Variants in SPOCK1 observed in about 807,000 individuals in gnomAD.
The protein encoded by SPOCK1 is SPARC (osteonectin), cwcv and kazal like domains proteoglycan 1, also known as testican-1.
Under a neutral mutation model 55.3 loss-of-function variants are expected in SPOCK1, and 23 were observed. The ratio of observed to expected loss-of-function variants is 0.42; its 90% CI spans 0.30 to 0.59. The LOEUF is 0.59. Ranked by LOEUF, SPOCK1 falls within the 20% of genes least tolerant of loss-of-function variation. The probability of loss-of-function intolerance (pLI) is 0.22; values close to 1 mark genes in which losing one functional copy is unlikely to be tolerated. For synonymous variants in SPOCK1, 226 were observed against 221.0 expected (o/e 1.02, Z -0.20); for missense variants, 499 against 552.5 (o/e 0.90, Z 0.97).
At chr5:137,322,059 G>A (rs1216028031) in intron 2 of SPOCK1, among the ~76,000 whole-genome samples, 3 of 152,050 alleles carry the variant, frequency 2.0e-5, no homozygotes, top group Non-Finnish European at 2.9e-5. Context: ...AAAAAACACT[G>A]GTCAGCAACA....
At chr5:136,990,588 TAACG>T (rs1750930783) in intron 7 of SPOCK1, among the ~76,000 whole-genome samples, 1 of 150,298 alleles carries the variant, frequency 6.7e-6, no homozygotes, top group Non-Finnish European at 1.5e-5. Context: ...CTACGGGACA[TAACG>T]TGGCCCCTTC....
intron 2 of SPOCK1, among the ~76,000 whole-genome samples, chr5:137,450,953 C>T (rs1753242928): frequency 6.6e-6 from 1 of 152,172 alleles, no homozygotes; most frequent in Non-Finnish European, 1.5e-5. Flanking sequence ...ATCTTCCCTG[C>T]CCACCCATGC....
intron 2 of SPOCK1, among the ~76,000 whole-genome samples, chr5:137,338,636 C>T (rs984005634): frequency 5.9e-5 from 9 of 151,660 alleles, no homozygotes; most frequent in African/African-American, 2.2e-4. Flanking sequence ...GTCCCACCAA[C>T]AGTGTAAAAG....
chr5:137,228,765 T>C (rs1755996741), intron 3 of SPOCK1, among the ~76,000 whole-genome samples: 1 of 152,180 alleles, frequency 6.6e-6, no homozygotes, highest in African/African-American at 2.4e-5. Context: ...TCCAAGAATA[T>C]TTTAAATATG....
At chr5:136,993,442 G>C (rs1219766173) in intron 6 of SPOCK1, among the ~76,000 whole-genome samples, 2 of 152,090 alleles carry the variant, frequency 1.3e-5, no homozygotes, top group Admixed American at 6.5e-5. Flanking sequence ...GCTAATTCTT[G>C]GTACTGAGAA....
intron 6 of SPOCK1, among the ~76,000 whole-genome samples, chr5:137,017,915 T>C (rs1751482113): frequency 6.6e-6 from 1 of 152,212 alleles, no homozygotes; most frequent in Admixed American, 6.5e-5. Context: ...CAGCCACAAT[T>C]ACATCCAAGC....
intron 2 of SPOCK1, among the ~76,000 whole-genome samples, chr5:137,369,111 C>T (rs1427632888): frequency 6.6e-6 from 1 of 152,150 alleles, no homozygotes; most frequent in Non-Finnish European, 1.5e-5. Flanking sequence ...TGAGTTGGAC[C>T]CATGTGGGAA....
chr5:137,222,619 A>G (rs564038057), intron 3 of SPOCK1, among the ~76,000 whole-genome samples: 7 of 152,230 alleles, frequency 4.6e-5, no homozygotes, highest in Non-Finnish European at 7.3e-5. Context: ...AGAAAAAAAG[A>G]CAATGAAATT....
At chr5:137,002,760 C>A (rs1018906186) in intron 6 of SPOCK1, among the ~76,000 whole-genome samples, 15 of 152,170 alleles carry the variant, frequency 9.9e-5, no homozygotes, top group Admixed American at 8.5e-4. Context: ...AAAACAGGCT[C>A]AACCTGGACT....
At position 137,200,854 on chromosome 5, in the gene SPOCK1, G is replaced by A. The variant is rs142102174; in HGVS notation, c.233-60160C>T. 1.1e-3 allele frequency among the ~76,000 whole-genome samples: 165 copies of A among 152,242 alleles called. No homozygotes were observed. In the Middle Eastern group the frequency reaches 0.017, roughly 16 times the overall value. The stretch of plus-strand genomic sequence containing the variant: ...TTTGAGTAGTTTAAAAACCTCCTGA[G>A]GTTGGAATTGGAACCCAGAGCCGAT... On this transcript the variant is annotated intron_variant, in intron 3 of 10. Coordinates refer to ENST00000394945, the MANE Select transcript of SPOCK1 (RefSeq NM_004598.4).
chr5:136,991,514 C>G (rs1750947176), intron 7 of SPOCK1, among the ~76,000 whole-genome samples: 1 of 152,098 alleles, frequency 6.6e-6, no homozygotes, highest in South Asian at 2.1e-4. Flanking sequence ...AGTTGCTACT[C>G]TAACTAACTT....
At chr5:137,068,560 C>G (rs1561597567) in intron 5 of SPOCK1, among the ~76,000 whole-genome samples, 1 of 152,166 alleles carries the variant, frequency 6.6e-6, no homozygotes, top group African/African-American at 2.4e-5. Context: ...ACTCTAAAGT[C>G]TCAATGAATT....
chr5:137,123,877 C>A (rs1213422949), intron 4 of SPOCK1, among the ~76,000 whole-genome samples: 1 of 152,066 alleles, frequency 6.6e-6, no homozygotes, highest in Non-Finnish European at 1.5e-5. Flanking sequence ...GATAGATCCA[C>A]AAAAATGGAA....
At chr5:137,356,826 T>TAGAGAG (rs1750819003) in intron 2 of SPOCK1, among the ~76,000 whole-genome samples, 2 of 19,350 alleles carry the variant, frequency 1.0e-4, no homozygotes, top group South Asian at 2.7e-3. Flanking sequence ...TATATATATA[T>TAGAGAG]ATATATATAT....
intron 2 of SPOCK1, among the ~76,000 whole-genome samples, chr5:137,376,055 A>G (rs1751306965): frequency 6.6e-6 from 1 of 152,262 alleles, no homozygotes; most frequent in African/African-American, 2.4e-5. Flanking sequence ...ACAACCAAGT[A>G]CATGAAGTAA....
intron 5 of SPOCK1, among the ~76,000 whole-genome samples, chr5:137,109,400 G>A (rs376633807): frequency 5.3e-5 from 8 of 152,058 alleles, no homozygotes; most frequent in African/African-American, 1.9e-4. Flanking sequence ...TGAGTTATGC[G>A]GACTGGAATC....
chr5:137,032,528 G>A (rs1023118907), intron 6 of SPOCK1, among the ~76,000 whole-genome samples: 7 of 152,136 alleles, frequency 4.6e-5, no homozygotes, highest in Admixed American at 1.3e-4. Flanking sequence ...GAGAGATGAT[G>A]GTGCCAGAAA....
chr5:136,995,127 G>GCAGGGTGT (rs1478722854), intron 6 of SPOCK1, among the ~76,000 whole-genome samples: 6 of 152,202 alleles, frequency 3.9e-5, no homozygotes, highest in African/African-American at 1.4e-4. Context: ...TCCCACCGCA[G>GCAGGGTGT]CAGGGTGTCG....
intron 6 of SPOCK1, among the ~76,000 whole-genome samples, chr5:137,054,263 T>C (rs1752262636): frequency 6.6e-6 from 1 of 152,174 alleles, no homozygotes; most frequent in African/African-American, 2.4e-5. Flanking sequence ...CAAAGCCACA[T>C]AGCTAGCAAG....
Sources: gnomAD v4.1 joint callset for allele counts (sites outside exome capture counted in the v4.1 genomes callset) on GRCh38, gnomAD v4.1.1 for gene constraint, MANE v1.5 for transcripts, NCBI Gene and HGNC (gene_info 2026-07-23, HGNC 2026-07-21) for gene names.